PRKCQ: variants seen among roughly 807,000 people sequenced by gnomAD.
PRKCQ encodes protein kinase C theta type.
In PRKCQ, 41 loss-of-function variants were observed where a neutral mutation model predicts 91.2. That is an observed-to-expected ratio of 0.45 (90% CI 0.35 to 0.58). The LOEUF is 0.58. Ranked by LOEUF, PRKCQ falls within the 20% of genes least tolerant of loss-of-function variation. PRKCQ has a pLI of 0.00. For missense variants in PRKCQ, 673 were observed against 896.5 expected (o/e 0.75, Z 3.18); for synonymous variants, 307 against 316.9 (o/e 0.97, Z 0.33).
In PRKCQ at chr10:6,428,229, C is replaced by A. The variant is rs1461248434; in HGVS notation, c.2099G>T (p.Gly700Val). ...MFRNFSFMNP[G>V]MERLIS The stretch of plus-strand genomic sequence containing the variant: ...GATTCAGGATATCAGCCGCTCCATC[C>A]CGGGGTTCATGAAGGAAAAGTTCCT... Residue 700 changes from glycine to valine, a missense_variant, in exon 18 of 18, where the codon GGG (glycine) becomes GTG (valine). Physicochemically the swap from Gly to Val is moderately radical, Grantham distance 109 (BLOSUM62 -3). Coordinates refer to ENST00000263125, the MANE Select transcript of PRKCQ (RefSeq NM_006257.5). The A allele has an allele frequency of 5.6e-6, 9 of 1,614,164 alleles. No individual in the cohort carries two copies. The highest frequency in any genetic ancestry group is 6.8e-6 in the Non-Finnish European group (8 of 1,180,034).
intron 1 of PRKCQ, among the ~76,000 whole-genome samples, chr10:6,527,487 A>T (rs1339492576): frequency 6.6e-6 from 1 of 152,186 alleles, no homozygotes; most frequent in Non-Finnish European, 1.5e-5. Flanking sequence ...AGAGGCTTGC[A>T]TCCCTCTAAC....
At chr10:6,402,332 A>G in the PRKCQ span, among the ~76,000 whole-genome samples, 2 of 147,764 alleles carry the variant, frequency 1.4e-5, no homozygotes, top group African/African-American at 5.0e-5. Flanking sequence ...AACTTAAACT[A>G]TAATTTTAAA....
At chr10:6,458,345 G>A (rs776786874) in intron 14 of PRKCQ, among the ~76,000 whole-genome samples, 2 of 152,156 alleles carry the variant, frequency 1.3e-5, no homozygotes, top group Non-Finnish European at 2.9e-5. Flanking sequence ...GAGGACCCCT[G>A]GAGCCAGCTG....
At chr10:6,527,418 T>C (rs139307885) in intron 1 of PRKCQ, among the ~76,000 whole-genome samples, 280 of 152,256 alleles carry the variant, frequency 1.8e-3, no homozygotes, top group Non-Finnish European at 2.2e-3. Context: ...TACCGAGCAG[T>C]TGCTAATCAT....
At chr10:6,498,321 G>A (rs1837726821) in intron 5 of PRKCQ, 75 bp downstream of exon 5, 1 of 1,538,092 alleles carries the variant, frequency 6.5e-7, no homozygotes, top group Non-Finnish European at 8.9e-7. Context: ...AGTGGAGCAT[G>A]CCAGCGTAGA....
At chr10:6,559,839 G>C (rs117628785) in intron 1 of PRKCQ, among the ~76,000 whole-genome samples, 1 of 149,582 alleles carries the variant, frequency 6.7e-6, no homozygotes, top group Admixed American at 6.7e-5. Context: ...GTGTGTGTTT[G>C]TTTTTATTGA....
chr10:6,490,959 CT>C (rs1837264630), intron 8 of PRKCQ, among the ~76,000 whole-genome samples: 1 of 152,080 alleles, frequency 6.6e-6, no homozygotes, highest in African/African-American at 2.4e-5. Context: ...ACGTTATCGC[CT>C]TAGCAACTTG....
chr10:6,510,522 A>C (rs1235610529), intron 3 of PRKCQ, among the ~76,000 whole-genome samples: 6 of 152,226 alleles, frequency 3.9e-5, no homozygotes, highest in African/African-American at 9.6e-5. Flanking sequence ...TAAGATTTTG[A>C]TATCTTAACG....
rs56306878 is a variant in PRKCQ at position 6,517,588 on chromosome 10, C to CTTTTTTT, written c.-9-2451_-9-2445dup. On this transcript the variant is annotated intron_variant, in intron 1 of 17. Transcript: ENST00000263125. ...AAAAAATGCATCTTTAAGATAGCATCTTTTTTTTTTTTTTTTTTTTTTTTT... is the reference window on the plus strand; with the variant it reads ...AAAAAATGCATCTTTAAGATAGCATCTTTTTTTTTTTTTTTTTTTTTTTTTTTTTTTT... Among the ~76,000 whole-genome samples the CTTTTTTT allele has an allele frequency of 4.2e-4, 21 of 49,492 alleles. 2 individuals carry two copies. Among genetic ancestry groups the CTTTTTTT allele is most frequent in the African/African-American group, 1.3e-3 (17 of 12,678 alleles). The allele number at this position is 49,492 out of a possible 152,430, so 32.5% of individuals were successfully genotyped here.
At chr10:6,494,570 C>G (rs1194655533) in intron 7 of PRKCQ, among the ~76,000 whole-genome samples, 1 of 152,094 alleles carries the variant, frequency 6.6e-6, no homozygotes, top group African/African-American at 2.4e-5. Context: ...ATTTCAACAC[C>G]TCAACTGCAC....
At chr10:6,483,778 G>A (rs11259137) in intron 10 of PRKCQ, among the ~76,000 whole-genome samples, 178 bp from the exon 11 acceptor site, 31 of 152,278 alleles carry the variant, frequency 2.0e-4, no homozygotes, top group African/African-American at 7.0e-4. Flanking sequence ...CTGTCTGTGA[G>A]GGCAGCACCC....
At chr10:6,509,391 G>A (rs1471654540) in intron 3 of PRKCQ, among the ~76,000 whole-genome samples, 2 of 151,754 alleles carry the variant, frequency 1.3e-5, no homozygotes, top group Admixed American at 6.6e-5. Context: ...GGGAATTGAC[G>A]ACTCTTTAAA....
chr10:6,434,742 C>A (rs1833614634), intron 16 of PRKCQ, among the ~76,000 whole-genome samples: 1 of 152,216 alleles, frequency 6.6e-6, no homozygotes, highest in South Asian at 2.1e-4. Flanking sequence ...CAGAGGACAG[C>A]CAGCAGTAGT....
intron 4 of PRKCQ, 99 bp downstream of exon 4, chr10:6,507,337 G>A: frequency 8.2e-7 from 1 of 1,215,056 alleles, no homozygotes; most frequent in Non-Finnish European, 1.2e-6. Context: ...CTTTTCTCCT[G>A]ATTCTCTTCT....
chr10:6,406,879 A>G, the PRKCQ span, among the ~76,000 whole-genome samples: 1 of 152,236 alleles, frequency 6.6e-6, no homozygotes, highest in East Asian at 1.9e-4. Flanking sequence ...AAGATTAATT[A>G]GAATGTCTCA....
intron 1 of PRKCQ, among the ~76,000 whole-genome samples, chr10:6,533,372 A>G (rs190824474): frequency 1.1e-3 from 161 of 152,002 alleles, no homozygotes; most frequent in African/African-American, 3.7e-3. Context: ...TAATTTTTGT[A>G]TTTTAGTGGA....
chr10:6,579,599 G>A (rs1841378359), intron 1 of PRKCQ, among the ~76,000 whole-genome samples: 2 of 151,514 alleles, frequency 1.3e-5, no homozygotes. Context: ...GGCCCTCAAA[G>A]CTGGGGAATA....
intron 1 of PRKCQ, among the ~76,000 whole-genome samples, chr10:6,555,115 T>TAAAGGTGGGAGGGA (rs1840357756): frequency 6.6e-6 from 1 of 150,574 alleles, no homozygotes; most frequent in South Asian, 2.1e-4. Context: ...CGATAGATAC[T>TAAAGGTGGGAGGGA]GGGGACAAGT....
rs1320769695 is a variant in PRKCQ, at chr10:6,576,969, A to C, written c.-10+3242T>G. Among the ~76,000 whole-genome samples, 1 of 152,196 alleles carries C rather than the reference A, an allele frequency of 6.6e-6. No individual in the cohort carries two copies. The highest frequency in any genetic ancestry group is 2.4e-5 in the African/African-American group (1 of 41,440). On this transcript the variant is annotated intron_variant, in intron 1 of 17. Coordinates refer to ENST00000263125, the MANE Select transcript of PRKCQ (RefSeq NM_006257.5). The surrounding 1 kb of genome is among the most constrained non-coding windows in gnomAD (Gnocchi z 4.2). ...AGTAATGCCTCTTACATATAAATAA[A>C]ATTCTGAGTATGATATACAGCACAT...
Sources: gnomAD v4.1 joint callset for allele counts (sites outside exome capture counted in the v4.1 genomes callset) on GRCh38, gnomAD v4.1.1 for gene constraint, Gnocchi (gnomAD v3.1) non-coding constraint, MANE v1.5 for transcripts, NCBI Gene and HGNC (gene_info 2026-07-23, HGNC 2026-07-21) for gene names.